The following UTRN variants were observed in gnomAD, a reference collection of about 807,000 sequenced individuals.
The protein encoded by UTRN is dystrophin-related protein 1.
In UTRN, 283 loss-of-function variants were observed where a neutral mutation model predicts 463.9. That is an observed-to-expected ratio of 0.61 (90% CI 0.55 to 0.67). The LOEUF is 0.67. Ranked by LOEUF, UTRN falls within the 30% of genes least tolerant of loss-of-function variation. The pLI is 0.00. For synonymous variants in UTRN, 1,442 were observed against 1,431.5 expected (o/e 1.01, Z -0.17); for missense variants, 3,922 against 4,084.3 (o/e 0.96, Z 1.08).
intron 41 of UTRN, among the ~76,000 whole-genome samples, chr6:144,525,560 G>A (rs553674976): frequency 5.3e-5 from 8 of 151,854 alleles, no homozygotes; most frequent in Non-Finnish European, 1.2e-4. Context: ...AACTGATTTG[G>A]ATCCTCTCTC....
Position 144,507,918 on chromosome 6 carries a change from A to T in UTRN, c.4765-3026A>T, listed in dbSNP as rs375268949. ...CAGGCAGATGGGAGTTTTCTCTATA[A>T]GCCCCTTGCTGGGGCTGCCACCCTT... On this transcript the variant is annotated intron_variant, in intron 34 of 74. Coordinates refer to ENST00000367545, the MANE Select transcript of UTRN (RefSeq NM_007124.3). Among the ~76,000 whole-genome samples the T allele has an allele frequency of 2.2e-4, 33 of 152,236 alleles. No homozygotes were observed. In the South Asian group the frequency reaches 6.0e-3, roughly 28 times the overall value.
chr6:144,575,316 C>T (rs1345433890), intron 50 of UTRN, among the ~76,000 whole-genome samples: 1 of 151,974 alleles, frequency 6.6e-6, no homozygotes, highest in Non-Finnish European at 1.5e-5. Context: ...ATCCCAGCAC[C>T]CAAAAATAAC....
intron 58 of UTRN, among the ~76,000 whole-genome samples, chr6:144,766,306 T>C (rs1372681094): frequency 6.6e-6 from 1 of 152,200 alleles, no homozygotes; most frequent in East Asian, 1.9e-4. Context: ...AAATAAATGT[T>C]GTCATATCAG....
intron 51 of UTRN, among the ~76,000 whole-genome samples, chr6:144,605,083 A>T (rs1804696206): frequency 6.6e-6 from 1 of 152,122 alleles, no homozygotes; most frequent in Admixed American, 6.6e-5. Flanking sequence ...ATTGCCTTGA[A>T]AAAGTTATTC....
intron 52 of UTRN, among the ~76,000 whole-genome samples, chr6:144,682,318 A>C (rs549206116): frequency 2.6e-5 from 4 of 152,214 alleles, no homozygotes; most frequent in Non-Finnish European, 4.4e-5. Flanking sequence ...ACATTGTTGC[A>C]AATGACAGAA....
intron 64 of UTRN, chr6:144,799,367 G>T: frequency 2.2e-6 from 1 of 453,292 alleles, no homozygotes; most frequent in East Asian, 7.3e-5. Flanking sequence ...AGGAGGAAAA[G>T]ACAGGTAGGT....
chr6:144,584,691 G>C (rs1802291210), intron 51 of UTRN, among the ~76,000 whole-genome samples: 1 of 151,538 alleles, frequency 6.6e-6, no homozygotes, highest in Non-Finnish European at 1.5e-5. Flanking sequence ...TTTTTTTCCG[G>C]AAGTTTTGGG....
intron 2 of UTRN, among the ~76,000 whole-genome samples, chr6:144,329,432 C>T (rs564138838): frequency 6.6e-6 from 1 of 152,236 alleles, no homozygotes; most frequent in East Asian, 1.9e-4. Context: ...TCCATGCATA[C>T]AGTTACCAAA....
intron 26 of UTRN, 53 bp downstream of exon 26, chr6:144,480,035 A>T (rs878907786): frequency 6.4e-7 from 1 of 1,570,392 alleles, no homozygotes; most frequent in African/African-American, 1.4e-5. Context: ...TCCTCCCTTT[A>T]AAACCAGCAC....
intron 2 of UTRN, among the ~76,000 whole-genome samples, chr6:144,329,655 A>C (rs535798169): frequency 6.6e-6 from 1 of 152,314 alleles, no homozygotes; most frequent in African/African-American, 2.4e-5. Flanking sequence ...GTGTTTTGTG[A>C]TCTGCCATCA....
intron 32 of UTRN, 45 bp from the exon 33 acceptor site, chr6:144,493,256 G>A (rs1318358904): frequency 6.3e-7 from 1 of 1,598,814 alleles, no homozygotes; most frequent in Admixed American, 1.7e-5. Flanking sequence ...TTGGCAAGTT[G>A]TCACCACAGT....
At chr6:144,397,197 T>G (rs1782514830) in intron 2 of UTRN, among the ~76,000 whole-genome samples, 1 of 151,716 alleles carries the variant, frequency 6.6e-6, no homozygotes, top group Non-Finnish European at 1.5e-5. Context: ...TGAGCCAAGA[T>G]CACACCATTG....
intron 51 of UTRN, among the ~76,000 whole-genome samples, chr6:144,593,478 G>T (rs1412245410): frequency 6.6e-6 from 1 of 152,206 alleles, no homozygotes; most frequent in Non-Finnish European, 1.5e-5. Flanking sequence ...ATCAGAGGCT[G>T]AAGGTAAGCT....
At chr6:144,529,872 T>A (rs1796884753) in intron 41 of UTRN, among the ~76,000 whole-genome samples, 1 of 152,170 alleles carries the variant, frequency 6.6e-6, no homozygotes, top group South Asian at 2.1e-4. Flanking sequence ...AACAAAAAGA[T>A]AGGAGAAAAA....
chr6:144,763,891 C>T (rs180947346), intron 58 of UTRN, among the ~76,000 whole-genome samples: 5 of 152,126 alleles, frequency 3.3e-5, no homozygotes, highest in Non-Finnish European at 7.4e-5. Context: ...TCTCCCTTCC[C>T]TCTTTCGTGA....
At chr6:144,390,639 C>T (rs1781824008) in intron 2 of UTRN, among the ~76,000 whole-genome samples, 1 of 152,200 alleles carries the variant, frequency 6.6e-6, no homozygotes, top group South Asian at 2.1e-4. Flanking sequence ...GACTTTGCTG[C>T]AGCTGTTCTC....
intron 51 of UTRN, among the ~76,000 whole-genome samples, chr6:144,637,600 T>C (rs1777315908): frequency 6.6e-6 from 1 of 152,020 alleles, no homozygotes; most frequent in South Asian, 2.1e-4. Context: ...GAAAATTTTA[T>C]GTATTTTTAT....
Position 144,515,232 on chromosome 6 carries a change from A to T in UTRN, c.5244+412A>T, listed in dbSNP as rs193263763. ...CAATTTTTAAATTAAAATGTTTTTA[A>T]TCACTTTTTCTTTGAATGGAGCATT... On this transcript the variant is annotated intron_variant, in intron 37 of 74. Coordinates refer to ENST00000367545, the MANE Select transcript of UTRN (RefSeq NM_007124.3). Among the ~76,000 whole-genome samples the T allele has an allele frequency of 3.9e-5, 6 of 152,314 alleles. No homozygotes were observed. The East Asian group carries it at 1.2e-3, about 29-fold the overall frequency.
At position 144,787,862 on chromosome 6, in the gene UTRN, A is replaced by C. The variant is rs142010189; in HGVS notation, c.8835-1332A>C. Reference sequence around the variant, plus strand: ...GTATTAAAAACATATAAGAAAATGGACAATAAAAACCTAAAATGAAAATGG... The same window carrying C: ...GTATTAAAAACATATAAGAAAATGGCCAATAAAAACCTAAAATGAAAATGG... On this transcript the variant is annotated intron_variant, in intron 61 of 74. Transcript: ENST00000367545. Among the ~76,000 whole-genome samples, 492 of 152,280 alleles carry C rather than the reference A, an allele frequency of 3.2e-3. 11 individuals carry two copies. The South Asian group carries it at 0.055, about 17-fold the overall frequency.
Sources: allele counts gnomAD v4.1 joint callset (sites outside exome capture counted in the v4.1 genomes callset), GRCh38; gene constraint gnomAD v4.1.1; transcripts MANE v1.5; gene names NCBI Gene and HGNC (gene_info 2026-07-23, HGNC 2026-07-21).